Variants in RPS6KA2 observed in about 807,000 individuals in gnomAD.
RPS6KA2 encodes the protein ribosomal protein S6 kinase alpha-2.
A neutral mutation model predicts 91.8 loss-of-function variants in RPS6KA2; 42 were observed. The observed-to-expected ratio is 0.46, with a 90% confidence interval of 0.36 to 0.59. The LOEUF is 0.59. RPS6KA2 is among the 20% of genes least tolerant of loss of function. The probability of loss-of-function intolerance (pLI) is 0.00; values close to 1 mark genes in which losing one functional copy is unlikely to be tolerated. For synonymous variants in RPS6KA2, 414 were observed against 393.6 expected, an observed-to-expected ratio of 1.05 and a Z score of -0.61; for missense variants, 798 against 978.5, an observed-to-expected ratio of 0.82 and a Z score of 2.46.
chr6:166,572,969 G>A (rs960511373), intron 1 of RPS6KA2, among the ~76,000 whole-genome samples: 4 of 152,220 alleles, frequency 2.6e-5, no homozygotes, highest in African/African-American at 9.6e-5. Context: ...CAGAGGGAGC[G>A]GAGCACAGGA....
intron 2 of RPS6KA2, among the ~76,000 whole-genome samples, chr6:166,730,897 G>A (rs191886828): frequency 9.7e-4 from 147 of 152,208 alleles, no homozygotes; most frequent in Middle Eastern, 6.8e-3. Flanking sequence ...TGGTTTGTTA[G>A]GTGCAGGAAA....
In RPS6KA2 at chr6:166,569,541, A is replaced by G. The variant is rs545619347; in HGVS notation, c.100-30757T>C. On this transcript the variant is annotated intron_variant, in intron 1 of 20. Transcript: ENST00000265678. The stretch of plus-strand genomic sequence containing the variant: ...TGCTGGGGCCGCCCTGGAAATCTCC[A>G]GGCCAGGCATTCTCACCACCCTCTT... Among the ~76,000 whole-genome samples, 473 of 152,272 alleles carry G rather than the reference A, an allele frequency of 3.1e-3. 2 individuals carry two copies. Among genetic ancestry groups the G allele is most frequent in the African/African-American group, 8.0e-3 (331 of 41,554 alleles).
Position 166,508,300 on chromosome 6 carries a change from C to T in RPS6KA2, c.380-18G>A. 1 of 1,561,880 alleles carries T rather than the reference C, an allele frequency of 6.4e-7. No individual in the cohort carries two copies. Among genetic ancestry groups the T allele is most frequent in the African/African-American group, 1.4e-5 (1 of 73,952 alleles). ...CTGAAAGGCTGTGGGGGACAGAGACCCGCATTTTGACAGCTTGTCGAATGT... is the reference window on the plus strand; with the variant it reads ...CTGAAAGGCTGTGGGGGACAGAGACTCGCATTTTGACAGCTTGTCGAATGT... On this transcript the variant is annotated intron_variant, in intron 4 of 20. Transcript: ENST00000265678. The surrounding 1 kb of genome is among the most constrained non-coding windows in gnomAD (Gnocchi z 4.3).
intron 14 of RPS6KA2, among the ~76,000 whole-genome samples, chr6:166,446,594 G>A (rs563372550): frequency 4.6e-5 from 7 of 152,098 alleles, no homozygotes; most frequent in Non-Finnish European, 1.0e-4. Flanking sequence ...GAGGACTGAC[G>A]GACTGAGTTT....
chr6:166,607,719 T>G (rs1786005092), intron 1 of RPS6KA2, among the ~76,000 whole-genome samples: 1 of 152,230 alleles, frequency 6.6e-6, no homozygotes, highest in Non-Finnish European at 1.5e-5. Flanking sequence ...CATGGAATTG[T>G]ACATTTTAAA....
At chr6:166,654,662 T>C (rs1787955505) in intron 2 of RPS6KA2, among the ~76,000 whole-genome samples, 1 of 152,262 alleles carries the variant, frequency 6.6e-6, no homozygotes, top group Admixed American at 6.5e-5. Context: ...TTTTTGTTGC[T>C]GTTTAGACAT....
intron 2 of RPS6KA2, among the ~76,000 whole-genome samples, chr6:166,798,496 G>C (rs1027633202): frequency 6.6e-5 from 10 of 152,200 alleles, no homozygotes; most frequent in African/African-American, 2.4e-4. Flanking sequence ...CCCAAACAGC[G>C]TCTCTGCAGA....
intron 2 of RPS6KA2, among the ~76,000 whole-genome samples, chr6:166,653,595 A>G (rs1018693754): frequency 1.3e-5 from 2 of 152,242 alleles, no homozygotes; most frequent in South Asian, 2.1e-4. Context: ...ACAGCTGTCC[A>G]GGCCCTGCAC....
intron 2 of RPS6KA2, among the ~76,000 whole-genome samples, chr6:166,794,042 G>C (rs1354029921): frequency 7.2e-6 from 1 of 139,348 alleles, no homozygotes; most frequent in Admixed American, 7.6e-5. Flanking sequence ...CACAGCAAAA[G>C]AAACTACCAT....
chr6:166,527,776 G>T (rs1218412318), intron 3 of RPS6KA2, among the ~76,000 whole-genome samples: 2 of 152,180 alleles, frequency 1.3e-5, no homozygotes, highest in Non-Finnish European at 2.9e-5. Flanking sequence ...TGCCTCTCCT[G>T]GACGGTCATA....
chr6:166,761,626 G>A (rs1466293236), intron 2 of RPS6KA2, among the ~76,000 whole-genome samples: 6 of 152,316 alleles, frequency 3.9e-5, no homozygotes, highest in South Asian at 4.1e-4. Context: ...GACCATCAGC[G>A]TCTCAGCCTG....
At chr6:166,725,323 GT>G (rs1316315997) in intron 2 of RPS6KA2, among the ~76,000 whole-genome samples, 3 of 152,226 alleles carry the variant, frequency 2.0e-5, no homozygotes, top group Admixed American at 2.0e-4. Flanking sequence ...CACAGATTAT[GT>G]CACATGGTGT....
At chr6:166,719,693 T>A (rs1790117160) in intron 2 of RPS6KA2, among the ~76,000 whole-genome samples, 1 of 152,208 alleles carries the variant, frequency 6.6e-6, no homozygotes, top group East Asian at 1.9e-4. Flanking sequence ...TACTCACTTA[T>A]CATTAAAACG....
intron 2 of RPS6KA2, among the ~76,000 whole-genome samples, chr6:166,699,571 T>G (rs1789452140): frequency 6.6e-6 from 1 of 152,216 alleles, no homozygotes; most frequent in African/African-American, 2.4e-5. Context: ...CAGTGTAACA[T>G]GACTGTGATC....
At chr6:166,748,543 TCCCCTTGGGCCCCCAC>T (rs1791103112) in intron 2 of RPS6KA2, among the ~76,000 whole-genome samples, 7 of 51,526 alleles carry the variant, frequency 1.4e-4, no homozygotes, top group East Asian at 6.6e-4. Flanking sequence ...GGGCCCCCCA[TCCCCTTGGGCCCCCAC>T]CTCCTCAGGC....
chr6:166,775,683 A>T (rs1778597233), intron 2 of RPS6KA2, among the ~76,000 whole-genome samples: 1 of 152,208 alleles, frequency 6.6e-6, no homozygotes, highest in African/African-American at 2.4e-5. Flanking sequence ...TCAGCCAAGA[A>T]ACCGTCTCTT....
At chr6:166,574,774 AC>A (rs1361397118) in intron 1 of RPS6KA2, among the ~76,000 whole-genome samples, 2 of 152,358 alleles carry the variant, frequency 1.3e-5, no homozygotes, top group East Asian at 3.9e-4. Context: ...CAGGAAACAT[AC>A]AAATGATTGC....
At chr6:166,417,376 C>T (rs1004756902) in intron 19 of RPS6KA2, among the ~76,000 whole-genome samples, 3 of 152,122 alleles carry the variant, frequency 2.0e-5, no homozygotes, top group East Asian at 1.9e-4. Flanking sequence ...TTAAGTCAGT[C>T]GACTTGAGTA....
chr6:166,846,145 C>G (rs1366764803), intron 2 of RPS6KA2, among the ~76,000 whole-genome samples: 12 of 151,958 alleles, frequency 7.9e-5, no homozygotes, highest in Non-Finnish European at 1.5e-5. Context: ...TACAACCCTC[C>G]TAGATTAAAC....
Sources: gnomAD v4.1 joint callset for allele counts (sites outside exome capture counted in the v4.1 genomes callset) on GRCh38, gnomAD v4.1.1 for gene constraint, Gnocchi (gnomAD v3.1) non-coding constraint, MANE v1.5 for transcripts, NCBI Gene and HGNC (gene_info 2026-07-23, HGNC 2026-07-21) for gene names.